GAK: variants seen among roughly 807,000 people sequenced by gnomAD.
GAK encodes cyclin G associated kinase.
Under a neutral mutation model 143.9 loss-of-function variants are expected in GAK, and 79 were observed. The ratio of observed to expected loss-of-function variants is 0.55; its 90% CI spans 0.46 to 0.66. The LOEUF (loss-of-function observed/expected upper bound fraction) is 0.66. GAK is among the 30% of genes least tolerant of loss of function. GAK has a pLI of 0.00. For synonymous variants in GAK, 881 were observed against 765.5 expected, an observed-to-expected ratio of 1.15 and a Z score of -2.49; for missense variants, 1,693 against 1,779.7, an observed-to-expected ratio of 0.95 and a Z score of 0.88.
chr4:884,474 C>T (rs980033251), intron 11 of GAK: 17 of 223,454 alleles, frequency 7.6e-5, no homozygotes, highest in Admixed American at 1.7e-4. Flanking sequence ...ACGATGGTCA[C>T]GGGTCATGCC....
chr4:865,455 C>T (rs1751003889), intron 22 of GAK, among the ~76,000 whole-genome samples: 2 of 151,074 alleles, frequency 1.3e-5, no homozygotes, highest in East Asian at 3.9e-4. Context: ...GGGGCACCAG[C>T]AGGCGGAGCA....
At chr4:910,985 C>T (rs1426245707) in intron 4 of GAK, among the ~76,000 whole-genome samples, 3 of 152,150 alleles carry the variant, frequency 2.0e-5, no homozygotes, top group Admixed American at 6.5e-5. Context: ...GGCCAGTCAG[C>T]GTGGGCTCCG....
chr4:903,716 C>T (rs111808592), intron 5 of GAK, among the ~76,000 whole-genome samples: 1 of 71,258 alleles, frequency 1.4e-5, no homozygotes, highest in Non-Finnish European at 2.9e-5. Flanking sequence ...GGTGGGGGGG[C>T]GGCCGAGGAA....
intron 1 of GAK, among the ~76,000 whole-genome samples, chr4:915,215 G>C (rs1378341396): frequency 1.3e-5 from 2 of 150,620 alleles, no homozygotes; most frequent in Admixed American, 6.6e-5. Context: ...CTCAGCCCCA[G>C]CGTACATGGC....
At chr4:921,810 T>C (rs955601567) in intron 1 of GAK, among the ~76,000 whole-genome samples, 11 of 151,262 alleles carry the variant, frequency 7.3e-5, no homozygotes. Context: ...AGGACTTAAA[T>C]CTACAATAAA....
At chr4:886,323 G>A (rs1716317581) in intron 11 of GAK, 1 of 152,300 alleles carries the variant, frequency 6.6e-6, no homozygotes, top group South Asian at 2.1e-4. Context: ...CTAGGGCCTG[G>A]AACCCATGGG....
chr4:850,189 C>T (rs1747870579), intron 26 of GAK, 121 bp from the exon 27 acceptor site: 2 of 927,570 alleles, frequency 2.2e-6, no homozygotes, highest in South Asian at 3.6e-5. Flanking sequence ...CTCAGCCCGG[C>T]TCACAGACAC....
At chr4:863,118 T>G (rs188613080) in intron 23 of GAK, among the ~76,000 whole-genome samples, 1 of 152,278 alleles carries the variant, frequency 6.6e-6, no homozygotes, top group East Asian at 1.9e-4. Flanking sequence ...AACAGCAACA[T>G]GAACAAGAGT....
intron 23 of GAK, among the ~76,000 whole-genome samples, chr4:862,821 T>C (rs7684266): frequency 0.16 from 24,007 of 152,270 alleles, 2,100 homozygotes; most frequent in Middle Eastern, 0.3. Context: ...AATATGACTG[T>C]TCGCTGACAA....
chr4:880,826 G>A (rs1177416583), intron 15 of GAK, among the ~76,000 whole-genome samples: 2 of 152,240 alleles, frequency 1.3e-5, no homozygotes, highest in Non-Finnish European at 2.9e-5. Flanking sequence ...GGAAGGAGCT[G>A]TGGGATTTGG....
At chr4:863,353 C>T (rs1019574437) in intron 23 of GAK, among the ~76,000 whole-genome samples, 2 of 152,204 alleles carry the variant, frequency 1.3e-5, no homozygotes, top group African/African-American at 4.8e-5. Context: ...GAATCGAGTC[C>T]TGGTGAAGAT....
intron 20 of GAK, 24 bp downstream of exon 20, chr4:868,515 G>A: frequency 1.3e-6 from 2 of 1,596,348 alleles, no homozygotes; most frequent in Non-Finnish European, 1.7e-6. Context: ...TCTGCAAGTG[G>A]CCAGGTCCAG....
intron 23 of GAK, among the ~76,000 whole-genome samples, chr4:861,377 C>T (rs1750245723): frequency 3.9e-5 from 6 of 152,120 alleles, no homozygotes; most frequent in Admixed American, 3.9e-4. Context: ...GGTGCTTGAG[C>T]CCAGGAGTTC....
At chr4:866,331 T>TGGA (rs975550538) in intron 22 of GAK, 33 bp downstream of exon 22, 1 of 1,604,398 alleles carries the variant, frequency 6.2e-7, no homozygotes, top group African/African-American at 1.3e-5. Flanking sequence ...GAGGCGGCCA[T>TGGA]GGAGAGCTGG....
At chr4:864,762 G>A (rs979224942) in intron 23 of GAK, among the ~76,000 whole-genome samples, 7 of 152,136 alleles carry the variant, frequency 4.6e-5, no homozygotes, top group South Asian at 2.1e-4. Context: ...GAAGAGCCAC[G>A]GGGTGCTACA....
intron 9 of GAK, among the ~76,000 whole-genome samples, chr4:891,008 A>AG (rs983898610): frequency 1.4e-5 from 2 of 144,206 alleles, no homozygotes; most frequent in Non-Finnish European, 3.0e-5. Context: ...GCAGTGCTGG[A>AG]GGGCTGTGGC....
In GAK at chr4:898,122, T is replaced by A; in HGVS notation, c.562A>T (p.Lys188Ter). ...GTGGCACTGCCAAAGTCACACAGCT[T>A]AATGGTCCCTTGGTTACTAAGCAAC... Reference protein sequence around the residue: ...NLLLSNQGTIKLCDFGSATTI... With the variant: ...NLLLSNQGTI Residue 188 changes from lysine (K) to a stop codon, truncating the protein, a stop_gained, in exon 6 of 28, where the codon AAG becomes TAG. Transcript: ENST00000314167. LOFTEE classifies it high-confidence loss of function. The A allele has an allele frequency of 6.2e-7, 1 of 1,614,134 alleles. No individual in the cohort carries two copies. Among genetic ancestry groups the A allele is most frequent in the Non-Finnish European group, 8.5e-7 (1 of 1,179,978 alleles).
chr4:891,065 C>T (rs1327702972), intron 9 of GAK, among the ~76,000 whole-genome samples: 1 of 151,716 alleles, frequency 6.6e-6, no homozygotes, highest in African/African-American at 2.4e-5. Context: ...TCAAGCAATT[C>T]TCCTGCCTCA....
At chr4:853,529 G>A (rs11942387) in intron 24 of GAK, 56,113 of 152,050 alleles carry the variant, frequency 0.37, 10,591 homozygotes, top group South Asian at 0.41. Flanking sequence ...GCTCGCCCCC[G>A]GGGCAATGCG....
Sources: gnomAD v4.1 joint callset for allele counts (sites outside exome capture counted in the v4.1 genomes callset) on GRCh38, gnomAD v4.1.1 for gene constraint, MANE v1.5 for transcripts, NCBI Gene and HGNC (gene_info 2026-07-23, HGNC 2026-07-21) for gene names.